SREBF1: variants seen among roughly 807,000 people sequenced by gnomAD.
SREBF1 encodes sterol regulatory element-binding protein 1.
Under a neutral mutation model 100.1 loss-of-function variants are expected in SREBF1, and 45 were observed. The observed-to-expected ratio is 0.45, with a 90% CI of 0.35 to 0.58. SREBF1 has a LOEUF of 0.58. Ranked by LOEUF, SREBF1 falls within the 20% of genes least tolerant of loss-of-function variation. The pLI is 0.00. For synonymous variants in SREBF1, 657 were observed against 681.8 expected (o/e 0.96, Z 0.57); for missense variants, 1,324 against 1,539.4 (o/e 0.86, Z 2.34).
intron 1 of SREBF1, among the ~76,000 whole-genome samples, chr17:17,829,205 A>AAAAAAAAAAAAAAAATATATAT (rs1210718799): frequency 7.6e-5 from 5 of 65,844 alleles, no homozygotes; most frequent in African/African-American, 4.4e-4. Flanking sequence ...AAAAAAAAAA[A>AAAAAAAAAAAAAAAATATATAT]ATATATATAT....
chr17:17,823,603 T>C, intron 1 of SREBF1: 5 of 1,611,672 alleles, frequency 3.1e-6, no homozygotes, highest in East Asian at 2.2e-5. Context: ...CCGCGCCGAC[T>C]TCACCTGTCA....
chr17:17,815,370 C>T, intron 12 of SREBF1, 41 bp from the exon 13 acceptor site: 1 of 1,529,204 alleles, frequency 6.5e-7, no homozygotes, highest in South Asian at 1.1e-5. Flanking sequence ...GAGCAGGGCC[C>T]CACCCTCCTC....
In SREBF1 at chr17:17,819,581, G is replaced by T. The variant is rs1309243461; in HGVS notation, c.668C>A (p.Ala223Asp). 1.9e-6 allele frequency: 3 copies of T among 1,613,720 alleles called. No individual in the cohort carries two copies. Among genetic ancestry groups the T allele is most frequent in the Non-Finnish European group, 2.5e-6 (3 of 1,180,014 alleles). ...LLTVTAAPTA[A>D]PVTTTVTSQI... ...CGAGGTCACAGTGGTCGTTACAGGG[G>T]CTGCCGTGGGGGCAGCTGTGACTGT... The change falls in exon 3 of 19, where the codon GCC becomes GAC. Residue 223 changes from alanine to aspartate, a missense_variant. Physicochemically the swap from Ala to Asp is moderately radical, Grantham distance 126. Coordinates refer to ENST00000261646, the MANE Select transcript of SREBF1 (RefSeq NM_004176.5).
At chr17:17,833,345 T>C (rs1266199740) in intron 1 of SREBF1, among the ~76,000 whole-genome samples, 4 of 136,470 alleles carry the variant, frequency 2.9e-5, no homozygotes, top group Non-Finnish European at 4.6e-5. Flanking sequence ...TGTTTGAACC[T>C]GGGAGGCGGA....
rs35858976 is a variant in SREBF1 at position 17,817,729 on chromosome 17, C to T, written c.1371G>A (p.Ser457=). ...CCTCAAAGACTGGGCTGTCAGGCTC[C>T]GAGTCACTGCCACTGCCACCGCTGC... ...GSGSGGSGSD[S]EPDSPVFEDS... The change falls in exon 7 of 19, where the codon TCG becomes TCA. Residue 457 remains serine, a synonymous_variant. Coordinates refer to ENST00000261646, the MANE Select transcript of SREBF1 (RefSeq NM_004176.5). This position sits in a 1 kb window ranked among gnomAD's most constrained non-coding sequence, Gnocchi z 6.6. The T allele has an allele frequency of 1.3e-4, 217 of 1,613,424 alleles. No individual in the cohort carries two copies. In the African/African-American group the frequency reaches 2.5e-3, roughly 19 times the overall value.
chr17:17,812,402 A>G lies in SREBF1; in HGVS notation c.*220T>C. 3.2e-6 allele frequency: 2 copies of G among 617,998 alleles called. No individual in the cohort carries two copies. The highest frequency in any genetic ancestry group is 3.1e-5 in the Admixed American group (1 of 32,712). The allele number at this position is 617,998 out of a possible 1,614,324, so 38.3% of individuals were successfully genotyped here. A position where few individuals can be genotyped will look rare whatever the true frequency, so the allele number is the denominator to read the frequency against. Reference sequence around the variant, plus strand: ...ATGGCTCGGCCCCTGCAGTGCCCCGATCGGCCACCAGAGGTCAGCACCATC... The same window carrying G: ...ATGGCTCGGCCCCTGCAGTGCCCCGGTCGGCCACCAGAGGTCAGCACCATC... On this transcript the variant is annotated 3_prime_UTR_variant, in exon 19 of 19. Transcript: ENST00000261646.
At position 17,817,382 on chromosome 17, in the gene SREBF1, C is replaced by T. The variant is rs1368020668; in HGVS notation, c.1480G>A (p.Val494Ile). The T allele has an allele frequency of 6.8e-6, 11 of 1,606,470 alleles. No homozygotes were observed. Among genetic ancestry groups the T allele is most frequent in the South Asian group, 2.2e-5 (2 of 90,132 alleles). The change falls in exon 8 of 19, where the codon GTC (valine) becomes ATC (isoleucine). Residue 494 changes from valine (V) to isoleucine (I), a missense_variant. Coordinates refer to ENST00000261646, the MANE Select transcript of SREBF1 (RefSeq NM_004176.5). This position sits in a 1 kb window ranked among gnomAD's most constrained non-coding sequence, Gnocchi z 6.6. Reference sequence around the variant, plus strand: ...GGGTTGCAGGACAGGCAGAGGAAGACGAGCGTGCACAGGGCCAGGCGGGAG... The same window carrying T: ...GGGTTGCAGGACAGGCAGAGGAAGATGAGCGTGCACAGGGCCAGGCGGGAG... ...DRSRLALCTLVFLCLSCNPLA... is the reference protein window; with the variant it reads ...DRSRLALCTLIFLCLSCNPLA...
chr17:17,816,753 G>A, intron 9 of SREBF1, 35 bp from the exon 10 acceptor site: 1 of 1,567,074 alleles, frequency 6.4e-7, no homozygotes, highest in Middle Eastern at 2.1e-4. Context: ...AGAAAAGTGA[G>A]GTCAGAGCAG....
At chr17:17,836,586 G>A (rs1343799040) in intron 1 of SREBF1, 141 bp downstream of exon 1, 11 of 840,224 alleles carry the variant, frequency 1.3e-5, no homozygotes, top group Middle Eastern at 4.9e-4. Context: ...TCGGGACACC[G>A]AGCTCAGAGA....
intron 1 of SREBF1, among the ~76,000 whole-genome samples, chr17:17,826,464 G>A (rs767620953): frequency 1.3e-5 from 2 of 152,124 alleles, no homozygotes; most frequent in Non-Finnish European, 2.9e-5. Flanking sequence ...ACCCATGGGT[G>A]AACCGGGCTT....
Position 17,822,185 on chromosome 17 carries a change from C to T in SREBF1, c.92-1664G>A, listed in dbSNP as rs972331632. The stretch of plus-strand genomic sequence containing the variant: ...CCAAGAGCATGCAGTGGGGTTCAAA[C>T]CCAGGTCTACAAAATCCCAAATCTA... On this transcript the variant is annotated intron_variant, in intron 1 of 18. Coordinates refer to ENST00000261646, the MANE Select transcript of SREBF1 (RefSeq NM_004176.5). Among the ~76,000 whole-genome samples, 5 of 152,248 alleles carry T rather than the reference C, an allele frequency of 3.3e-5. 1 individual carries two copies. The highest frequency in any genetic ancestry group is 3.3e-4 in the Admixed American group (5 of 15,286).
chr17:17,811,543 G>A lies in SREBF1; in HGVS notation c.*1079C>T, dbSNP rs918924589. On this transcript the variant is annotated 3_prime_UTR_variant, in exon 19 of 19. Transcript: ENST00000261646. ...GGGAATGAAGGGAGGGGCTGGGGGG[G>A]GGGGCATGAATGGAGTCAGGGAGTC... 11 of 312,500 alleles carry A rather than the reference G, an allele frequency of 3.5e-5. No homozygotes were observed. The highest frequency in any genetic ancestry group is 1.4e-4 in the African/African-American group (6 of 42,628). 19.4% of individuals were successfully genotyped at this position (312,500 alleles called of 1,614,324 possible).
intron 1 of SREBF1, among the ~76,000 whole-genome samples, chr17:17,829,016 A>G (rs1421444933): frequency 6.6e-6 from 1 of 151,708 alleles, no homozygotes; most frequent in Non-Finnish European, 1.5e-5. Context: ...AACATGGTGA[A>G]ATCCAGCCTC....
intron 1 of SREBF1, among the ~76,000 whole-genome samples, chr17:17,826,598 T>C (rs953855140): frequency 6.6e-6 from 1 of 152,176 alleles, no homozygotes; most frequent in Non-Finnish European, 1.5e-5. Flanking sequence ...TCCCCAGGCT[T>C]GTGAAGCCCT....
rs778925742 is a variant in SREBF1 at position 17,814,718 on chromosome 17, A to C, written c.2632T>G (p.Ser878Ala). The C allele has an allele frequency of 6.2e-7, 1 of 1,608,916 alleles. No homozygotes were observed. The highest frequency in any genetic ancestry group is 8.5e-7 in the Non-Finnish European group (1 of 1,178,888). ...CAGTGGATCACCACAGCTGTCAGAG[A>C]GGCCCACCACTTGGCCACCGGGTCT... is the stretch of plus-strand genomic sequence containing the variant. The part of the protein sequence containing the change: ...GVDPVAKWWA[S>A]LTAVVIHWLR... The change falls in exon 15 of 19, where the codon TCT becomes GCT. Residue 878 changes from serine (S) to alanine (A), a missense_variant. Coordinates refer to ENST00000261646, the MANE Select transcript of SREBF1 (RefSeq NM_004176.5).
intron 1 of SREBF1, among the ~76,000 whole-genome samples, chr17:17,827,908 CT>C (rs1001176817): frequency 4.3e-4 from 65 of 152,154 alleles, no homozygotes; most frequent in African/African-American, 1.5e-3. Flanking sequence ...CAACACGAAG[CT>C]CTTTAAGGCT....
rs1302414635 is a variant in SREBF1 at position 17,814,958 on chromosome 17, G to A, written c.2493-14C>T. ...TCCGAGAATTCCCTGTGGAAGGAGA[G>A]AGCTGGCTGTCGGAACAGATGGCAG... On this transcript the variant is annotated splice_polypyrimidine_tract_variant and intron_variant, in intron 13 of 18. Transcript: ENST00000261646. 2 of 1,556,714 alleles carry A rather than the reference G, an allele frequency of 1.3e-6. No individual in the cohort carries two copies. Among genetic ancestry groups the A allele is most frequent in the Middle Eastern group, 1.7e-4 (1 of 5,992 alleles).
In SREBF1 at chr17:17,817,038, C is replaced by T; in HGVS notation, c.1705G>A (p.Glu569Lys). 6.2e-7 allele frequency: 1 copy of T among 1,613,148 alleles called. No homozygotes were observed. The change falls in exon 9 of 19, where the codon GAG (glutamate) becomes AAG (lysine). Residue 569 changes from glutamate to lysine, a missense_variant. Glu to Lys is a moderately conservative substitution (Grantham distance 56). Coordinates refer to ENST00000261646, the MANE Select transcript of SREBF1 (RefSeq NM_004176.5). This position sits in a 1 kb window ranked among gnomAD's most constrained non-coding sequence, Gnocchi z 6.6. ...CCTGAGTGGGGCCGTGTGACTGGCT[C>T]ACCGTAGACAAAGAGAAGCACCAAG... ...VSLVLLFVYG[E>K]PVTRPHSGPA...
rs1413796379 is a variant in SREBF1 at position 17,817,227 on chromosome 17, C to G, written c.1606+29G>C. On this transcript the variant is annotated intron_variant, in intron 8 of 18. Coordinates refer to ENST00000261646, the MANE Select transcript of SREBF1 (RefSeq NM_004176.5). The surrounding 1 kb of genome is among the most constrained non-coding windows in gnomAD (Gnocchi z 6.6). ...TGGGGGCTCACCCCGAGTGTCCCTC[C>G]CAAAGATGCCCAGGCTGGCCGGTCC... 1 of 1,608,330 alleles carries G rather than the reference C, an allele frequency of 6.2e-7. No individual in the cohort carries two copies. Among genetic ancestry groups the G allele is most frequent in the South Asian group, 1.1e-5 (1 of 90,644 alleles).
Sources: gnomAD v4.1 joint callset for allele counts (sites outside exome capture counted in the v4.1 genomes callset) on GRCh38, gnomAD v4.1.1 for gene constraint, Gnocchi (gnomAD v3.1) non-coding constraint, MANE v1.5 for transcripts, NCBI Gene and HGNC (gene_info 2026-07-23, HGNC 2026-07-21) for gene names.